Variants in STPG2 observed in about 807,000 individuals in gnomAD.
STPG2 encodes the protein sperm tail PG-rich repeat containing 2, also known as sperm-tail PG-rich repeat-containing protein 2.
In STPG2, 56 loss-of-function variants were observed where a neutral mutation model predicts 54.2. The ratio of observed to expected loss-of-function variants is 1.03; its 90% confidence interval spans 0.83 to 1.29. STPG2 has a LOEUF of 1.29. Among genes scored for constraint, STPG2 ranks in the 50% most tolerant of loss-of-function variants. The probability of loss-of-function intolerance (pLI) is 0.00; values close to 1 mark genes in which losing one functional copy is unlikely to be tolerated. For missense variants in STPG2, 596 were observed against 544.9 expected (o/e 1.09, Z -0.93); for synonymous variants, 200 against 181.8 (o/e 1.10, Z -0.81).
chr4:97,483,943 A>C (rs1714001150), intron 4 of STPG2, among the ~76,000 whole-genome samples: 1 of 151,868 alleles, frequency 6.6e-6, no homozygotes. Context: ...ATGCAAATAC[A>C]TGGCAATTAA....
intron 8 of STPG2, among the ~76,000 whole-genome samples, chr4:97,929,721 G>T (rs1732471348): frequency 3.3e-5 from 5 of 152,020 alleles, no homozygotes; most frequent in African/African-American, 1.2e-4. Flanking sequence ...TTTTAATGGG[G>T]TTTTGTTTTA....
At chr4:97,495,063 ATATTT>A (rs912006497) in intron 4 of STPG2, among the ~76,000 whole-genome samples, 42 of 151,564 alleles carry the variant, frequency 2.8e-4, no homozygotes, top group African/African-American at 1.0e-3. Flanking sequence ...TTCAGAACTC[ATATTT>A]TAGTGTTTCA....
At chr4:97,591,545 A>G (rs915864990) in intron 10 of STPG2, among the ~76,000 whole-genome samples, 3 of 152,180 alleles carry the variant, frequency 2.0e-5, no homozygotes, top group African/African-American at 7.2e-5. Context: ...CCCTTTTTGG[A>G]TAACCTGATT....
At chr4:98,083,604 G>T (rs147431422) in intron 5 of STPG2, among the ~76,000 whole-genome samples, 1 of 152,162 alleles carries the variant, frequency 6.6e-6, no homozygotes, top group East Asian at 1.9e-4. Flanking sequence ...TATTAATATT[G>T]GAGTATTCCA....
intron 5 of STPG2, among the ~76,000 whole-genome samples, chr4:98,033,125 ACAC>A (rs751248299): frequency 3.3e-5 from 5 of 151,140 alleles, no homozygotes; most frequent in East Asian, 1.9e-4. Context: ...ACACACACAC[ACAC>A]AAAAAAAACC....
At chr4:97,682,189 A>C (rs1723059013) in intron 10 of STPG2, among the ~76,000 whole-genome samples, 1 of 151,780 alleles carries the variant, frequency 6.6e-6, no homozygotes, top group Non-Finnish European at 1.5e-5. Context: ...CAAAAGATCT[A>C]TTAACCTCAA....
At chr4:97,908,904 T>A (rs1163609406) in intron 8 of STPG2, among the ~76,000 whole-genome samples, 1 of 151,144 alleles carries the variant, frequency 6.6e-6, no homozygotes, top group East Asian at 2.0e-4. Context: ...TTGGGCGATA[T>A]ACCTAATGCT....
intron 10 of STPG2, among the ~76,000 whole-genome samples, chr4:97,637,508 G>A (rs1721598403): frequency 6.6e-6 from 1 of 152,132 alleles, no homozygotes. Flanking sequence ...TTAGGCAGGA[G>A]AAGGAAATAA....
At chr4:97,912,854 C>A (rs554554081) in intron 8 of STPG2, among the ~76,000 whole-genome samples, 1 of 152,122 alleles carries the variant, frequency 6.6e-6, no homozygotes, top group African/African-American at 2.4e-5. Context: ...AGTTGAGAAA[C>A]GCTGGCCTAA....
intron 5 of STPG2, among the ~76,000 whole-genome samples, chr4:97,988,720 C>CCCAG (rs1317596256): frequency 3.9e-5 from 6 of 152,218 alleles, no homozygotes; most frequent in African/African-American, 1.4e-4. Context: ...AGTCCTCCAA[C>CCCAG]CCAGCCTCCT....
chr4:98,034,165 T>G (rs1035615667), intron 5 of STPG2, among the ~76,000 whole-genome samples: 1 of 152,148 alleles, frequency 6.6e-6, no homozygotes, highest in Non-Finnish European at 1.5e-5. Flanking sequence ...TCAAATTGTC[T>G]CTGTTTGCAG....
In STPG2 at chr4:97,711,759, T is replaced by C. The variant is rs1045525893; in HGVS notation, c.1320+940A>G. On this transcript the variant is annotated intron_variant, in intron 10 of 10. Coordinates refer to ENST00000295268, the MANE Select transcript of STPG2 (RefSeq NM_174952.3). ...ATTTTGGCCCACTGCAAACTCTGCC[T>C]CCCAGATCCAAGCGATTCTCCTGCC... 2.7e-5 allele frequency among the ~76,000 whole-genome samples: 4 copies of C among 150,092 alleles called. No homozygotes were observed. The East Asian group carries it at 7.9e-4, about 30-fold the overall frequency.
intron 5 of STPG2, among the ~76,000 whole-genome samples, chr4:98,073,852 T>C (rs1014935792): frequency 6.6e-5 from 10 of 152,088 alleles, no homozygotes; most frequent in Admixed American, 2.0e-4. Context: ...TTAAGTAAAA[T>C]TTGGAAGGAG....
chr4:98,087,131 G>T (rs1181627820), intron 5 of STPG2, among the ~76,000 whole-genome samples: 4 of 152,088 alleles, frequency 2.6e-5, no homozygotes. Flanking sequence ...CTAGAATCTT[G>T]CATGGGCTGG....
intron 8 of STPG2, among the ~76,000 whole-genome samples, chr4:97,908,477 A>T (rs1731539442): frequency 6.6e-6 from 1 of 150,550 alleles, no homozygotes; most frequent in Non-Finnish European, 1.5e-5. Flanking sequence ...GGGATCTAGA[A>T]CTAGAAATAC....
At chr4:97,461,150 A>T (rs1729651204) in intron 4 of STPG2, among the ~76,000 whole-genome samples, 1 of 152,214 alleles carries the variant, frequency 6.6e-6, no homozygotes, top group African/African-American at 2.4e-5. Context: ...CTGTTGGGTC[A>T]TAAACTATTT....
chr4:98,046,353 G>A (rs1010371030), intron 5 of STPG2, among the ~76,000 whole-genome samples: 1 of 152,108 alleles, frequency 6.6e-6, no homozygotes, highest in African/African-American at 2.4e-5. Flanking sequence ...CTGGAGCTTT[G>A]TTATTTCATT....
In STPG2 at chr4:97,631,617, T is replaced by C. The variant is rs183173991; in HGVS notation, c.1321-72500A>G. Among the ~76,000 whole-genome samples, 189 of 152,154 alleles carry C rather than the reference T, an allele frequency of 1.2e-3. 2 individuals carry two copies. Among genetic ancestry groups the C allele is most frequent in the Non-Finnish European group, 7.1e-4 (48 of 67,898 alleles). On this transcript the variant is annotated intron_variant, in intron 10 of 10. Transcript: ENST00000295268. ...TTGAAATTCTAAAAGCACTTGCCCT[T>C]AATGGAAAATATTGAAGACACCTAA...
intron 4 of STPG2, among the ~76,000 whole-genome samples, chr4:97,520,647 A>C (rs1027586803): frequency 1.3e-5 from 2 of 152,074 alleles, no homozygotes; most frequent in African/African-American, 4.8e-5. Context: ...CCAACCTGCC[A>C]AGACAGTTTT....
Sources: allele counts gnomAD v4.1 joint callset (sites outside exome capture counted in the v4.1 genomes callset), GRCh38; gene constraint gnomAD v4.1.1; transcripts MANE v1.5; gene names NCBI Gene and HGNC (gene_info 2026-07-23, HGNC 2026-07-21).